The following BLVRB variants were observed in gnomAD, a reference collection of about 807,000 sequenced individuals.
BLVRB encodes flavin reductase (NADPH).
In BLVRB, 25 loss-of-function variants were observed where a neutral mutation model predicts 21.1. That is an observed-to-expected ratio of 1.19 (90% confidence interval 0.86 to 1.66). The LOEUF is 1.66. Among genes scored for constraint, BLVRB ranks in the 40% most tolerant of loss-of-function variants. BLVRB has a pLI of 0.00. For missense variants in BLVRB, 274 were observed against 282.7 expected, an observed-to-expected ratio of 0.97 and a Z score of 0.22; for synonymous variants, 128 against 122.2, an observed-to-expected ratio of 1.05 and a Z score of -0.31.
At chr19:40,453,058 G>A (rs567381655) in intron 3 of BLVRB, among the ~76,000 whole-genome samples, 13 of 152,188 alleles carry the variant, frequency 8.5e-5, no homozygotes, top group South Asian at 2.1e-4. Flanking sequence ...GCAAGACTCC[G>A]TCTCAAAAGA....
At chr19:40,457,944 C>T in intron 3 of BLVRB, 3 of 559,588 alleles carry the variant, frequency 5.4e-6, no homozygotes, top group Non-Finnish European at 9.7e-6. Flanking sequence ...CTGTTTACCA[C>T]CTCTCTCTGT....
rs1476757520 is a variant in BLVRB, at chr19:40,460,967, C to T, written c.80-2422G>A. Reference sequence around the variant, plus strand: ...AGCCTGGGCAACAAGAGCGAAACTCCGTCTCAAACAAAACAAAACAAAACA... The same window carrying T: ...AGCCTGGGCAACAAGAGCGAAACTCTGTCTCAAACAAAACAAAACAAAACA... On this transcript the variant is annotated intron_variant, in intron 1 of 4. Transcript: ENST00000263368. 6.7e-5 allele frequency among the ~76,000 whole-genome samples: 10 copies of T among 148,938 alleles called. No homozygotes were observed. The South Asian group carries it at 1.3e-3, about 19-fold the overall frequency.
At chr19:40,452,850 G>GT (rs1487918399) in intron 3 of BLVRB, among the ~76,000 whole-genome samples, 1 of 150,604 alleles carries the variant, frequency 6.6e-6, no homozygotes, top group African/African-American at 2.5e-5. Context: ...GGGAGACAGA[G>GT]CAAGACTCCA....
chr19:40,452,900 A>C lies in BLVRB; in HGVS notation c.335-1408T>G, dbSNP rs1018070141. Among the ~76,000 whole-genome samples the C allele has an allele frequency of 1.6e-4, 23 of 146,190 alleles. 1 individual carries two copies. The highest frequency in any genetic ancestry group is 1.2e-3 in the Admixed American group (18 of 14,514). On this transcript the variant is annotated intron_variant, in intron 3 of 4. Coordinates refer to ENST00000263368, the MANE Select transcript of BLVRB (RefSeq NM_000713.3). ...CAGAACAAAACAAAACAAAACAAAA[A>C]AAACACAAAAATTAGCCAGGTGTCG...
At chr19:40,459,534 G>A (rs759941476) in intron 1 of BLVRB, among the ~76,000 whole-genome samples, 1 of 150,914 alleles carries the variant, frequency 6.6e-6, no homozygotes, top group Non-Finnish European at 1.5e-5. Context: ...TGCAACCTCC[G>A]CCTCCCGGGT....
intron 1 of BLVRB, 92 bp from the exon 2 acceptor site, chr19:40,458,637 A>G: frequency 7.1e-7 from 1 of 1,398,874 alleles, no homozygotes; most frequent in Non-Finnish European, 9.5e-7. Flanking sequence ...GAACTCTCAA[A>G]TCCATCCCCT....
At chr19:40,448,861 G>A (rs2079726663) in intron 4 of BLVRB, among the ~76,000 whole-genome samples, 1 of 152,032 alleles carries the variant, frequency 6.6e-6, no homozygotes, top group Middle Eastern at 3.4e-3. Context: ...GGAGGCCAAG[G>A]TGGGAGGATC....
chr19:40,453,177 C>T (rs2079748464), intron 3 of BLVRB, among the ~76,000 whole-genome samples: 1 of 152,210 alleles, frequency 6.6e-6, no homozygotes, highest in South Asian at 2.1e-4. Flanking sequence ...TCCTAAAATG[C>T]TGCGATTACA....
chr19:40,456,343 A>G (rs1337225157), intron 3 of BLVRB, among the ~76,000 whole-genome samples: 1 of 151,818 alleles, frequency 6.6e-6, no homozygotes, highest in Non-Finnish European at 1.5e-5. Flanking sequence ...GGATTCCTTG[A>G]GCCCAGGGGT....
chr19:40,452,893 A>C (rs1476934884), intron 3 of BLVRB, among the ~76,000 whole-genome samples: 1 of 93,528 alleles, frequency 1.1e-5, no homozygotes, highest in African/African-American at 7.6e-5. Context: ...AACAAAACAA[A>C]ACAAAAAAAA....
chr19:40,448,312 C>T (rs1417343210), intron 4 of BLVRB, among the ~76,000 whole-genome samples: 1 of 150,996 alleles, frequency 6.6e-6, no homozygotes, highest in Admixed American at 6.6e-5. Context: ...CTGCCCTGGC[C>T]AGTGGCGGTG....
chr19:40,455,814 A>T (rs1014730294), intron 3 of BLVRB, among the ~76,000 whole-genome samples: 1 of 152,074 alleles, frequency 6.6e-6, no homozygotes, highest in Non-Finnish European at 1.5e-5. Flanking sequence ...CAATTTTAAA[A>T]TCAGGAATAT....
At position 40,465,661 on chromosome 19, in the gene BLVRB, C is replaced by T. The variant is rs763134254; in HGVS notation, c.28G>A (p.Gly10Ser). ...GTGAGCCCGGTCTGGCCAGTGGCGCCGAAGATCGCGATCTTCTTGACGGCC... is the reference window on the plus strand; with the variant it reads ...GTGAGCCCGGTCTGGCCAGTGGCGCTGAAGATCGCGATCTTCTTGACGGCC... MAVKKIAIF[G>S]ATGQTGLTTL... The change falls in exon 1 of 5, where the codon GGC becomes AGC. Residue 10 changes from glycine to serine, a missense_variant. Coordinates refer to ENST00000263368, the MANE Select transcript of BLVRB (RefSeq NM_000713.3). The T allele has an allele frequency of 1.9e-6, 3 of 1,612,792 alleles. No individual in the cohort carries two copies. Among genetic ancestry groups the T allele is most frequent in the Non-Finnish European group, 2.5e-6 (3 of 1,179,794 alleles).
intron 1 of BLVRB, among the ~76,000 whole-genome samples, chr19:40,461,693 G>A (rs1350752129): frequency 1.3e-5 from 2 of 152,008 alleles, no homozygotes; most frequent in African/African-American, 4.8e-5. Context: ...GTAGAGATGG[G>A]GTTTCACGAT....
rs1366917429 is a variant in BLVRB at position 40,458,170 on chromosome 19, C to CG, written c.318dup (p.Val107ArgfsTer24). ...CACCACCCACCCGAGGTGCAGGCCA[C>CG]GACCTTGTCCACACCATGAGCCTTC... On this transcript the variant is annotated frameshift_variant, in exon 3 of 5. Coordinates refer to ENST00000263368, the MANE Select transcript of BLVRB (RefSeq NM_000713.3). LOFTEE classifies it high-confidence loss of function. 5.0e-5 allele frequency: 80 copies of CG among 1,613,902 alleles called. No individual in the cohort carries two copies. The highest frequency in any genetic ancestry group is 6.6e-5 in the Non-Finnish European group (78 of 1,179,964).
chr19:40,455,565 G>A (rs2079758832), intron 3 of BLVRB, among the ~76,000 whole-genome samples: 1 of 152,154 alleles, frequency 6.6e-6, no homozygotes, highest in South Asian at 2.1e-4. Flanking sequence ...AGATGTGGTG[G>A]CAGGCACCTG....
At chr19:40,453,158 A>G (rs1456035990) in intron 3 of BLVRB, among the ~76,000 whole-genome samples, 1 of 152,194 alleles carries the variant, frequency 6.6e-6, no homozygotes, top group Non-Finnish European at 1.5e-5. Context: ...CGATCCTTCC[A>G]TCTCGACCTC....
At chr19:40,462,892 CAAAAAAAAAAAAAAA>C (rs56923063) in intron 1 of BLVRB, among the ~76,000 whole-genome samples, 1 of 49,858 alleles carries the variant, frequency 2.0e-5, no homozygotes, top group African/African-American at 8.4e-5. Context: ...ACTCTTGTCT[CAAAAAAAAAAAAAAA>C]AAAAAAAAAA....
Position 40,459,327 on chromosome 19 carries a change from C to CAAAAAA in BLVRB, c.80-788_80-783dup, listed in dbSNP as rs751696189. On this transcript the variant is annotated intron_variant, in intron 1 of 4. Transcript: ENST00000263368. The stretch of plus-strand genomic sequence containing the variant: ...TGGATGACAAAGCGAGACTCTATCT[C>CAAAAAA]AAAAAAAAAAAAAAAAAAAAAAAAA... Among the ~76,000 whole-genome samples the CAAAAAA allele has an allele frequency of 7.0e-4, 24 of 34,430 alleles. 2 individuals are homozygous for CAAAAAA. The highest frequency in any genetic ancestry group is 8.4e-4 in the Non-Finnish European group (16 of 18,954). The allele number at this position is 34,430 out of a possible 152,430, so 22.6% of individuals were successfully genotyped here.
Sources: gnomAD v4.1 joint callset for allele counts (sites outside exome capture counted in the v4.1 genomes callset) on GRCh38, gnomAD v4.1.1 for gene constraint, MANE v1.5 for transcripts, NCBI Gene and HGNC (gene_info 2026-07-23, HGNC 2026-07-21) for gene names.